Variants in CCDC180 observed in about 807,000 individuals in gnomAD.
CCDC180 encodes the protein coiled-coil domain-containing protein 180.
In CCDC180, 154 loss-of-function variants were observed where a neutral mutation model predicts 209.2. That is an observed-to-expected ratio of 0.74 (90% CI 0.65 to 0.84). The LOEUF (loss-of-function observed/expected upper bound fraction) is 0.84, where lower values mean the gene tolerates loss of function less well. Among genes scored for constraint, CCDC180 ranks in the 40% least tolerant of loss-of-function variants. The probability of loss-of-function intolerance (pLI) is 0.00; values close to 1 mark genes in which losing one functional copy is unlikely to be tolerated. For synonymous variants in CCDC180, 778 were observed against 749.1 expected (o/e 1.04, Z -0.63); for missense variants, 1,874 against 1,997.3 (o/e 0.94, Z 1.18).
chr9:97,341,000 A>T (rs1335784627), intron 18 of CCDC180, among the ~76,000 whole-genome samples: 1 of 152,174 alleles, frequency 6.6e-6, no homozygotes, highest in Non-Finnish European at 1.5e-5. Flanking sequence ...AGCAGTAGTA[A>T]ATTAGTGAAA....
At chr9:97,365,866 C>G in intron 30 of CCDC180, 127 bp downstream of exon 30, 2 of 769,880 alleles carry the variant, frequency 2.6e-6, no homozygotes, top group Non-Finnish European at 4.3e-6. Context: ...GACCACAGCT[C>G]CCCAGCTTCT....
intron 24 of CCDC180, among the ~76,000 whole-genome samples, chr9:97,356,180 T>C (rs747823840): frequency 3.2e-4 from 48 of 152,040 alleles, no homozygotes; most frequent in Admixed American, 6.5e-5. Context: ...TGGGGTACAC[T>C]GGAAATGAAG....
rs760513773 is a variant in CCDC180 at position 97,366,672 on chromosome 9, A to G, written c.4161A>G (p.Ala1387=). 6.2e-7 allele frequency: 1 copy of G among 1,614,170 alleles called. No individual in the cohort carries two copies. Among genetic ancestry groups the G allele is most frequent in the Admixed American group, 1.7e-5 (1 of 60,018 alleles). Residue 1387 remains alanine (A), a synonymous_variant, in exon 31 of 37, where the codon GCA becomes GCG. Coordinates refer to ENST00000529487, the MANE Select transcript of CCDC180 (RefSeq NM_020893.6). The surrounding 1 kb of genome is among the most constrained non-coding windows in gnomAD (Gnocchi z 4.3). ...AGATCCTGGAGTATCAGAGCCAGGC[A>G]AATAAGTACCACAACTCCTGCCTCA... ...SKKILEYQSQ[A]NKYHNSCLIE...
At chr9:97,363,384 G>A (rs563079163) in intron 28 of CCDC180, among the ~76,000 whole-genome samples, 1 of 152,258 alleles carries the variant, frequency 6.6e-6, no homozygotes, top group African/African-American at 2.4e-5. Context: ...TGACTTCCTG[G>A]GTGGCTTCTT....
intron 24 of CCDC180, among the ~76,000 whole-genome samples, chr9:97,356,993 T>C (rs1826603462): frequency 1.3e-5 from 2 of 152,238 alleles, no homozygotes; most frequent in African/African-American, 4.8e-5. Flanking sequence ...GCAAAGACAC[T>C]ATTTTGATGG....
In CCDC180 at chr9:97,324,476, G is replaced by C. The variant is rs79286695; in HGVS notation, c.1372-543G>C. On this transcript the variant is annotated intron_variant, in intron 13 of 36. Transcript: ENST00000529487. Reference sequence around the variant, plus strand: ...CAGCCATTTTAAAACTGGAATATCTGTGTGTAGCTCACAGGACCAAACAAA... The same window carrying C: ...CAGCCATTTTAAAACTGGAATATCTCTGTGTAGCTCACAGGACCAAACAAA... 2.4e-3 allele frequency among the ~76,000 whole-genome samples: 359 copies of C among 152,342 alleles called. 3 individuals are homozygous for C. The highest frequency in any genetic ancestry group is 8.2e-3 in the African/African-American group (339 of 41,582).
chr9:97,360,041 G>A lies in CCDC180; in HGVS notation c.3423G>A (p.Gln1141=), dbSNP rs749311299. ...FVQTWKEKLS[Q]RIQYLNCSLD... Reference sequence around the variant, plus strand: ...AAACTTGGAAGGAAAAACTGAGCCAGAGGATTCAGTACCTTAACTGCAGCC... The same window carrying A: ...AAACTTGGAAGGAAAAACTGAGCCAAAGGATTCAGTACCTTAACTGCAGCC... Residue 1141 remains glutamine, a synonymous_variant, in exon 26 of 37, where the codon CAG becomes CAA. Transcript: ENST00000529487. 4.3e-6 allele frequency: 7 copies of A among 1,614,028 alleles called. No homozygotes were observed. The Admixed American group carries it at 1.2e-4, about 27-fold the overall frequency.
rs1320284237 is a variant in CCDC180, at chr9:97,308,274, G to C, written c.69+142G>C. The C allele has an allele frequency of 4.0e-6, 3 of 749,014 alleles. No homozygotes were observed. The African/African-American group carries it at 5.4e-5, about 13-fold the overall frequency. 46.4% of individuals were successfully genotyped at this position (749,014 alleles called of 1,614,324 possible). A position where few individuals can be genotyped will look rare whatever the true frequency, so the allele number is the denominator to read the frequency against. ...TACTTTGATTTTAAAAATAATTCTT[G>C]CTTGTTCTTAAATCGTACCAATACA... On this transcript the variant is annotated intron_variant, in intron 2 of 36. Transcript: ENST00000529487.
intron 18 of CCDC180, among the ~76,000 whole-genome samples, chr9:97,340,097 G>A (rs1182107494): frequency 1.3e-5 from 2 of 152,088 alleles, no homozygotes; most frequent in African/African-American, 2.4e-5. Context: ...CTTGCATTAG[G>A]TTCGAACATC....
At position 97,343,559 on chromosome 9, in the gene CCDC180, A is replaced by C. The variant is rs1826154477; in HGVS notation, c.2494A>C (p.Lys832Gln). 1 of 1,605,932 alleles carries C rather than the reference A, an allele frequency of 6.2e-7. No homozygotes were observed. Among genetic ancestry groups the C allele is most frequent in the Non-Finnish European group, 8.5e-7 (1 of 1,172,884 alleles). The part of the protein sequence containing the change: ...IPSRLILEIK[K>Q]QLRAGFFEHL... Reference sequence around the variant, plus strand: ...ATCGAGACTAATTTTAGAAATTAAGAAACAGTGAGTAAAAAACTATTTTAT... The same window carrying C: ...ATCGAGACTAATTTTAGAAATTAAGCAACAGTGAGTAAAAAACTATTTTAT... The change falls in exon 19 of 37, where the codon AAA (lysine) becomes CAA (glutamine). Residue 832 changes from lysine (K) to glutamine (Q), a missense_variant. Coordinates refer to ENST00000529487, the MANE Select transcript of CCDC180 (RefSeq NM_020893.6).
intron 32 of CCDC180, 65 bp downstream of exon 32, chr9:97,370,147 G>A: frequency 6.5e-7 from 1 of 1,547,870 alleles, no homozygotes; most frequent in Non-Finnish European, 8.8e-7. Flanking sequence ...AGAAATGGTG[G>A]CAGGTTGTGG....
intron 26 of CCDC180, 75 bp downstream of exon 26, chr9:97,360,176 A>G (rs1052252864): frequency 6.4e-7 from 1 of 1,554,962 alleles, no homozygotes; most frequent in African/African-American, 1.4e-5. Context: ...TGCAGGGCTC[A>G]GTAGAGCCAA....
chr9:97,311,380 G>A (rs1832981966), intron 3 of CCDC180, among the ~76,000 whole-genome samples: 1 of 152,226 alleles, frequency 6.6e-6, no homozygotes, highest in Non-Finnish European at 1.5e-5. Context: ...GTCTGCATGA[G>A]GGCTAAATGA....
rs1045897069 is a variant in CCDC180, at chr9:97,354,207, A to G, written c.3003-362A>G. 1.2e-4 allele frequency among the ~76,000 whole-genome samples: 18 copies of G among 152,108 alleles called. No individual in the cohort carries two copies. The East Asian group carries it at 3.3e-3, about 28-fold the overall frequency. ...GAGACAGGGTCCTGCTGCCCAGGCT[A>G]ATCTTGAACTCCTGGCCTCAAGTGA... On this transcript the variant is annotated intron_variant, in intron 22 of 36. Transcript: ENST00000529487.
intron 29 of CCDC180, 33 bp downstream of exon 29, chr9:97,364,161 T>A: frequency 5.0e-6 from 8 of 1,605,904 alleles, no homozygotes; most frequent in Non-Finnish European, 6.8e-6. Flanking sequence ...TTGACTGCAT[T>A]TAACCTGTTT....
rs761379911 is a variant in CCDC180 at position 97,330,651 on chromosome 9, A to G, written c.2158A>G (p.Lys720Glu). The stretch of plus-strand genomic sequence containing the variant: ...GAATGTGAAGGGTCAAGGAGAAAAG[A>G]AGGAGGAGTCAGAGGAGGAAGATGA... ...EENVKGQGEK[K>E]EESEEEDEKE... is the part of the protein sequence containing the mutation. Residue 720 changes from lysine (K) to glutamate (E), a missense_variant, in exon 18 of 37, where the codon AAG becomes GAG. Lys to Glu is a moderately conservative substitution (Grantham distance 56). Transcript: ENST00000529487. 2.0e-5 allele frequency: 32 copies of G among 1,611,222 alleles called. No individual in the cohort carries two copies. The highest frequency in any genetic ancestry group is 1.6e-4 in the Middle Eastern group (1 of 6,080).
At chr9:97,309,653 C>A in intron 3 of CCDC180, 49 bp downstream of exon 3, 1 of 1,428,828 alleles carries the variant, frequency 7.0e-7, no homozygotes, top group Non-Finnish European at 9.3e-7. Context: ...GGTACCTGAG[C>A]CTTCAAAAAC....
chr9:97,377,065 G>C lies in CCDC180; in HGVS notation c.*171G>C, dbSNP rs905429035. 1.7e-6 allele frequency: 1 copy of C among 587,322 alleles called. No individual in the cohort carries two copies. Among genetic ancestry groups the C allele is most frequent in the Admixed American group, 3.8e-5 (1 of 26,620 alleles). The allele number at this position is 587,322 out of a possible 1,614,324, so 36.4% of individuals were successfully genotyped here. Reference sequence around the variant, plus strand: ...AGGACACAGCATGGTCCCTGCCCACGTGGAGCCCTCTTCCCATGAGGAAGG... The same window carrying C: ...AGGACACAGCATGGTCCCTGCCCACCTGGAGCCCTCTTCCCATGAGGAAGG... On this transcript the variant is annotated 3_prime_UTR_variant, in exon 37 of 37. Transcript: ENST00000529487.
intron 15 of CCDC180, 25 bp from the exon 16 acceptor site, chr9:97,327,995 C>T (rs926814137): frequency 1.9e-6 from 3 of 1,606,684 alleles, no homozygotes; most frequent in Non-Finnish European, 2.6e-6. Flanking sequence ...GCTGGGGTCT[C>T]CTGTCTTACC....
Sources: gnomAD v4.1 joint callset for allele counts (sites outside exome capture counted in the v4.1 genomes callset) on GRCh38, gnomAD v4.1.1 for gene constraint, Gnocchi (gnomAD v3.1) non-coding constraint, MANE v1.5 for transcripts, NCBI Gene and HGNC (gene_info 2026-07-23, HGNC 2026-07-21) for gene names.